The following ZNF202 variants were observed in gnomAD, a reference collection of about 807,000 sequenced individuals.
The protein encoded by ZNF202 is zinc finger protein 202.
Under a neutral mutation model 54.5 loss-of-function variants are expected in ZNF202, and 22 were observed. The observed-to-expected ratio is 0.40, with a 90% CI of 0.29 to 0.58. The LOEUF (loss-of-function observed/expected upper bound fraction) is 0.58, where lower values mean the gene tolerates loss of function less well. Ranked by LOEUF, ZNF202 falls within the 20% of genes least tolerant of loss-of-function variation. The pLI is 0.39. For missense variants in ZNF202, 644 were observed against 805.5 expected (o/e 0.80, Z 2.43); for synonymous variants, 294 against 301.4 (o/e 0.98, Z 0.26).
chr11:123,732,666 C>T (rs868116388), intron 3 of ZNF202, among the ~76,000 whole-genome samples: 3 of 152,144 alleles, frequency 2.0e-5, no homozygotes, highest in East Asian at 1.9e-4. Flanking sequence ...ACATAGCCAT[C>T]GCTCATCTTT....
In ZNF202 at chr11:123,725,890, G is replaced by A. The variant is rs1861107749; in HGVS notation, c.*107C>T. 7.4e-7 allele frequency: 1 copy of A among 1,345,030 alleles called. No individual in the cohort carries two copies. The highest frequency in any genetic ancestry group is 1.0e-6 in the Non-Finnish European group (1 of 1,002,426). The allele number at this position is 1,345,030 out of a possible 1,614,324, so 83.3% of individuals were successfully genotyped here. ...GGTAATGTCAGATCTGAGCAGGTCA[G>A]GGAGACTCCCTCGAAAAGGTCTTCC... is the stretch of plus-strand genomic sequence containing the variant. On this transcript the variant is annotated 3_prime_UTR_variant, in exon 9 of 9. Transcript: ENST00000530393.
At chr11:123,727,057 G>T in intron 8 of ZNF202, 66 bp from the exon 9 acceptor site, 1 of 1,527,348 alleles carries the variant, frequency 6.5e-7, no homozygotes, top group South Asian at 1.3e-5. Flanking sequence ...ACACAATGGG[G>T]AGATTTTTAC....
Position 123,739,511 on chromosome 11 carries a change from C to G in ZNF202, c.-98+606G>C, listed in dbSNP as rs1303054622. 3.3e-5 allele frequency: 3 copies of G among 90,902 alleles called. No individual in the cohort carries two copies. In the Admixed American group the frequency reaches 3.3e-4, roughly 10 times the overall value. 5.6% of individuals were successfully genotyped at this position (90,902 alleles called of 1,614,324 possible). A position where few individuals can be genotyped will look rare whatever the true frequency, so the allele number is the denominator to read the frequency against. ...GAATTCACAGCAAAAGCCCAGAATA[C>G]AGGTGTAATATTTTGATCAAAACGT... On this transcript the variant is annotated intron_variant, in intron 3 of 8. Transcript: ENST00000530393.
intron 1 of ZNF202, among the ~76,000 whole-genome samples, 172 bp downstream of exon 1, chr11:123,741,377 G>A (rs960056579): frequency 6.6e-6 from 1 of 152,066 alleles, no homozygotes; most frequent in East Asian, 1.9e-4. Context: ...CAACGTCTCG[G>A]CACCCTCAGT....
At chr11:123,734,095 GAGAGAGAGAC>G (rs1238039070) in intron 3 of ZNF202, among the ~76,000 whole-genome samples, 1 of 151,972 alleles carries the variant, frequency 6.6e-6, no homozygotes, top group Non-Finnish European at 1.5e-5. Flanking sequence ...TAGCTTTTGA[GAGAGAGAGAC>G]AGAGAGAGAG....
Position 123,726,612 on chromosome 11 carries a change from T to C in ZNF202, c.1332A>G (p.Gln444=), listed in dbSNP as rs753546173. Residue 444 remains glutamine (Q), a synonymous_variant, in exon 9 of 9, where the codon CAA becomes CAG. Transcript: ENST00000530393. This position sits in a 1 kb window ranked among gnomAD's most constrained non-coding sequence, Gnocchi z 6.0. ...YTRSSHLARH[Q]KVHKMNAPYK... ...AAGGCGCGTTCATCTTGTGAACCTT[T>C]TGGTGCCTGGCAAGATGTGAGCTTC... 1.9e-6 allele frequency: 3 copies of C among 1,614,070 alleles called. No homozygotes were observed. The highest frequency in any genetic ancestry group is 2.5e-6 in the Non-Finnish European group (3 of 1,180,038).
intron 3 of ZNF202, among the ~76,000 whole-genome samples, chr11:123,734,120 A>G (rs1861532686): frequency 6.6e-6 from 1 of 151,840 alleles, no homozygotes; most frequent in Non-Finnish European, 1.5e-5. Context: ...AGAGAGAGAG[A>G]GACAGACACA....
At position 123,725,858 on chromosome 11, in the gene ZNF202, AG is replaced by A. The variant is rs1861106846; in HGVS notation, c.*138del. 2 of 999,252 alleles carry A rather than the reference AG, an allele frequency of 2.0e-6. No homozygotes were observed. Among genetic ancestry groups the A allele is most frequent in the South Asian group, 3.6e-5 (2 of 56,298 alleles). The allele number at this position is 999,252 out of a possible 1,614,324, so 61.9% of individuals were successfully genotyped here. ...TCTGCCCAGGCTCGTGTTTAGTTGC[AG>A]GAAGAGGTAATGTCAGATCTGAGCA... On this transcript the variant is annotated 3_prime_UTR_variant, in exon 9 of 9. Transcript: ENST00000530393.
In ZNF202 at chr11:123,725,782, T is replaced by C. The variant is rs1591371312; in HGVS notation, c.*215A>G. ...AGTGAAGGAGAAGCCTCAATTCAGG[T>C]TGTACTTTGGATGAAACATCCCCTC... is the stretch of plus-strand genomic sequence containing the variant. On this transcript the variant is annotated 3_prime_UTR_variant, in exon 9 of 9. Coordinates refer to ENST00000530393, the MANE Select transcript of ZNF202 (RefSeq NM_003455.4). The C allele has an allele frequency of 5.3e-6, 3 of 562,862 alleles. No homozygotes were observed. The East Asian group carries it at 8.8e-5, about 17-fold the overall frequency. The allele number at this position is 562,862 out of a possible 1,614,324, so 34.9% of individuals were successfully genotyped here. A position where few individuals can be genotyped will look rare whatever the true frequency, so the allele number is the denominator to read the frequency against.
chr11:123,732,958 T>G (rs951247736), intron 3 of ZNF202, among the ~76,000 whole-genome samples: 6 of 152,110 alleles, frequency 3.9e-5, no homozygotes. Flanking sequence ...TAGAAGGTAT[T>G]CATAGGAACT....
intron 3 of ZNF202, chr11:123,739,495 G>T (rs1449674079): frequency 6.9e-6 from 1 of 145,262 alleles, no homozygotes. Flanking sequence ...GGAATTCACA[G>T]CAAAAGCCCA....
intron 3 of ZNF202, among the ~76,000 whole-genome samples, chr11:123,735,489 C>T (rs767299879): frequency 6.6e-6 from 1 of 152,090 alleles, no homozygotes; most frequent in Non-Finnish European, 1.5e-5. Context: ...TGAAGGAAAA[C>T]AGATCAGCAA....
chr11:123,727,307 G>A (rs529877639), intron 8 of ZNF202, among the ~76,000 whole-genome samples, 169 bp downstream of exon 8: 10 of 152,298 alleles, frequency 6.6e-5, no homozygotes, highest in Admixed American at 3.3e-4. Context: ...AATGATGGGA[G>A]GAGAAAAGAG....
Position 123,734,395 on chromosome 11 carries a change from T to C in ZNF202, c.-97-3410A>G, listed in dbSNP as rs150280652. Among the ~76,000 whole-genome samples the C allele has an allele frequency of 1.2e-3, 185 of 152,278 alleles. 1 individual carries two copies. The highest frequency in any genetic ancestry group is 4.1e-3 in the African/African-American group (169 of 41,556). ...CTCTCCTTCCTTCCATGACTGCCAC[T>C]CCCATTGAAAGCCACTGCAAGAATT... On this transcript the variant is annotated intron_variant, in intron 3 of 8. Coordinates refer to ENST00000530393, the MANE Select transcript of ZNF202 (RefSeq NM_003455.4).
At chr11:123,733,099 T>C (rs539996138) in intron 3 of ZNF202, among the ~76,000 whole-genome samples, 1 of 152,322 alleles carries the variant, frequency 6.6e-6, no homozygotes, top group East Asian at 1.9e-4. Context: ...CAGACCAGTG[T>C]CCACAAGCAG....
intron 3 of ZNF202, chr11:123,739,485 G>A (rs1041248793): frequency 6.6e-6 from 1 of 151,342 alleles, no homozygotes; most frequent in East Asian, 1.9e-4. Flanking sequence ...AGCAATACTA[G>A]GAATTCACAG....
chr11:123,727,677 G>T (rs954840603), intron 7 of ZNF202, 82 bp from the exon 8 acceptor site: 9 of 1,556,722 alleles, frequency 5.8e-6, no homozygotes, highest in Non-Finnish European at 7.0e-6. Context: ...TATTTGGTAG[G>T]TTGTGGGGCA....
In ZNF202 at chr11:123,727,359, A is replaced by G. The variant is rs548103923; in HGVS notation, c.952+117T>C. The G allele has an allele frequency of 1.3e-3, 1,822 of 1,388,948 alleles. 11 individuals carry two copies. Among genetic ancestry groups the G allele is most frequent in the Non-Finnish European group, 1.4e-3 (1,396 of 1,022,796 alleles). The allele number at this position is 1,388,948 out of a possible 1,614,324, so 86.0% of individuals were successfully genotyped here. ...GAAATGGCTGTCAGAGGGAGAAAGCAGTACTGGCTGACATGTTAGAAGAAC... is the reference window on the plus strand; with the variant it reads ...GAAATGGCTGTCAGAGGGAGAAAGCGGTACTGGCTGACATGTTAGAAGAAC... On this transcript the variant is annotated intron_variant, in intron 8 of 8. Coordinates refer to ENST00000530393, the MANE Select transcript of ZNF202 (RefSeq NM_003455.4).
In ZNF202 at chr11:123,726,328, C is replaced by T; in HGVS notation, c.1616G>A (p.Cys539Tyr). The change falls in exon 9 of 9, where the codon TGT becomes TAT. Residue 539 changes from cysteine (C) to tyrosine (Y), a missense_variant. Around this residue, in one of 3 missense-constraint regions of ZNF202, gnomAD observed 536 missense variants for 635.3 expected, o/e 0.84. Coordinates refer to ENST00000530393, the MANE Select transcript of ZNF202 (RefSeq NM_003455.4). This position sits in a 1 kb window ranked among gnomAD's most constrained non-coding sequence, Gnocchi z 6.0. The part of the protein sequence containing the change: ...RIHLGGKPYL[C>Y]GECGEDFSEH... ...ACTGAAGTCCTCACCACACTCTCCA[C>T]ACAAGTAGGGTTTGCCTCCCAGGTG... 2 of 1,614,248 alleles carry T rather than the reference C, an allele frequency of 1.2e-6. No individual in the cohort carries two copies. The highest frequency in any genetic ancestry group is 1.7e-6 in the Non-Finnish European group (2 of 1,180,046).
Sources: allele counts gnomAD v4.1 joint callset (sites outside exome capture counted in the v4.1 genomes callset), GRCh38; gene constraint gnomAD v4.1.1; regional missense constraint gnomAD v4.1.1; non-coding constraint Gnocchi (gnomAD v3.1); transcripts MANE v1.5; gene names NCBI Gene and HGNC (gene_info 2026-07-23, HGNC 2026-07-21).